RBFOX1: variants seen among roughly 807,000 people sequenced by gnomAD.
RBFOX1 encodes RNA binding protein fox-1 homolog 1.
In RBFOX1, 8 loss-of-function variants were observed where a neutral mutation model predicts 57.7. That is an observed-to-expected ratio of 0.14 (90% CI 0.08 to 0.25). RBFOX1 has a LOEUF of 0.25. Among genes scored for constraint, RBFOX1 ranks in the 10% least tolerant of loss-of-function variants. The pLI, the probability that RBFOX1 is intolerant of heterozygous loss-of-function variation, is 1.00. For synonymous variants in RBFOX1, 326 were observed against 222.4 expected, an observed-to-expected ratio of 1.47 and a Z score of -4.15; for missense variants, 611 against 548.5, an observed-to-expected ratio of 1.11 and a Z score of -1.14.
intron 3 of RBFOX1, among the ~76,000 whole-genome samples, chr16:6,886,326 T>C (rs1253314449): frequency 6.6e-6 from 1 of 151,996 alleles, no homozygotes; most frequent in Non-Finnish European, 1.5e-5. Flanking sequence ...CCTCCCAAAG[T>C]GCTGGGATTA....
chr16:7,008,434 G>A (rs1411065811), intron 3 of RBFOX1, among the ~76,000 whole-genome samples: 1 of 151,850 alleles, frequency 6.6e-6, no homozygotes, highest in Non-Finnish European at 1.5e-5. Flanking sequence ...CAGACACTCA[G>A]AAGTCAGAGG....
chr16:6,977,663 A>C (rs1035569661), intron 3 of RBFOX1, among the ~76,000 whole-genome samples: 68 of 152,286 alleles, frequency 4.5e-4, no homozygotes, highest in Non-Finnish European at 9.4e-4. Flanking sequence ...CTCTGGCACT[A>C]ACCGAGTGCC....
intron 3 of RBFOX1, among the ~76,000 whole-genome samples, chr16:6,917,398 A>AT (rs1416477266): frequency 6.6e-5 from 10 of 152,186 alleles, no homozygotes; most frequent in Non-Finnish European, 1.3e-4. Flanking sequence ...GTGTAGCTCT[A>AT]TATCTTATAA....
intron 1 of RBFOX1, among the ~76,000 whole-genome samples, chr16:5,299,131 C>G (rs1049738953): frequency 1.3e-5 from 2 of 151,262 alleles, no homozygotes; most frequent in Non-Finnish European, 2.9e-5. Context: ...ATTTCCATCA[C>G]AATAAATTAA....
At chr16:7,593,327 A>G (rs1420367244) in intron 7 of RBFOX1, among the ~76,000 whole-genome samples, 1 of 152,172 alleles carries the variant, frequency 6.6e-6, no homozygotes, top group Non-Finnish European at 1.5e-5. Context: ...ATACTGGCCA[A>G]GAGTTAGAAC....
intron 1 of RBFOX1, among the ~76,000 whole-genome samples, chr16:6,315,168 A>G (rs1281089102): frequency 6.6e-6 from 1 of 152,254 alleles, no homozygotes; most frequent in Non-Finnish European, 1.5e-5. Flanking sequence ...GTTTATTCCC[A>G]TTTTAATGAT....
chr16:5,468,949 A>G (rs548927083), intron 2 of RBFOX1, among the ~76,000 whole-genome samples: 44 of 152,352 alleles, frequency 2.9e-4, no homozygotes, highest in African/African-American at 9.9e-4. Flanking sequence ...CTGGGAACTG[A>G]GAACAGAACA....
intron 3 of RBFOX1, among the ~76,000 whole-genome samples, chr16:6,898,075 T>C (rs898125164): frequency 8.5e-5 from 13 of 152,232 alleles, no homozygotes; most frequent in African/African-American, 3.1e-4. Context: ...ACTTGGCAGT[T>C]ATTTCAAAGA....
chr16:5,875,813 G>A (rs887253065), intron 4 of RBFOX1, among the ~76,000 whole-genome samples: 1 of 151,506 alleles, frequency 6.6e-6, no homozygotes, highest in African/African-American at 2.4e-5. Flanking sequence ...ATCTGTTGCT[G>A]TGAGGTTTGG....
intron 3 of RBFOX1, among the ~76,000 whole-genome samples, chr16:6,745,856 G>A (rs773070351): frequency 6.6e-6 from 1 of 152,176 alleles, no homozygotes; most frequent in Admixed American, 6.5e-5. Context: ...TTCATAGGCA[G>A]CGTGATCATC....
intron 1 of RBFOX1, among the ~76,000 whole-genome samples, chr16:6,116,385 T>G (rs577096015): frequency 6.6e-6 from 1 of 152,312 alleles, no homozygotes; most frequent in East Asian, 1.9e-4. Context: ...ACCTGCACAT[T>G]CTGCACATGT....
At chr16:5,905,781 G>C (rs947285238) in intron 4 of RBFOX1, among the ~76,000 whole-genome samples, 1 of 152,134 alleles carries the variant, frequency 6.6e-6, no homozygotes, top group Non-Finnish European at 1.5e-5. Flanking sequence ...TTGATCTCAG[G>C]CTTCCATCCT....
chr16:5,427,583 T>TCAAAA (rs4039609), intron 1 of RBFOX1, among the ~76,000 whole-genome samples: 9,496 of 148,674 alleles, frequency 0.064, 361 homozygotes, highest in East Asian at 0.098. Flanking sequence ...AGACTCTGTC[T>TCAAAA]CAAAACAAAA....
chr16:7,596,030 G>C (rs1434885215), intron 8 of RBFOX1, among the ~76,000 whole-genome samples: 1 of 150,912 alleles, frequency 6.6e-6, no homozygotes, highest in Non-Finnish European at 1.5e-5. Context: ...GGGTTGAAGA[G>C]GGATCCACAG....
intron 4 of RBFOX1, among the ~76,000 whole-genome samples, chr16:7,466,507 G>T (rs1023826424): frequency 1.3e-5 from 2 of 152,108 alleles, no homozygotes; most frequent in Non-Finnish European, 2.9e-5. Context: ...ATGGAGCCCA[G>T]ATGTGAAGTT....
rs1307488483 is a variant in RBFOX1, at chr16:7,648,804, C to A, written c.758-5011C>A. ...AACAATTTTAAATCCTGATAGTGTGCTGCCATCGAGGAGAATTTAAATGAA... is the reference window on the plus strand; with the variant it reads ...AACAATTTTAAATCCTGATAGTGTGATGCCATCGAGGAGAATTTAAATGAA... On this transcript the variant is annotated intron_variant, in intron 11 of 15. Transcript: ENST00000550418. Among the ~76,000 whole-genome samples, 3 of 152,122 alleles carry A rather than the reference C, an allele frequency of 2.0e-5. No homozygotes were observed. In the East Asian group the frequency reaches 5.8e-4, roughly 29 times the overall value.
intron 4 of RBFOX1, among the ~76,000 whole-genome samples, chr16:5,896,307 G>C (rs539413883): frequency 6.6e-6 from 1 of 152,278 alleles, no homozygotes; most frequent in South Asian, 2.1e-4. Context: ...CTCCTGGGAG[G>C]TGTTTTGATC....
intron 3 of RBFOX1, among the ~76,000 whole-genome samples, chr16:6,913,540 G>T (rs916324527): frequency 6.6e-6 from 1 of 152,154 alleles, no homozygotes; most frequent in African/African-American, 2.4e-5. Context: ...ACTGAGCCCA[G>T]TGCCTGGTGT....
At chr16:6,741,405 G>A (rs896888581) in intron 3 of RBFOX1, among the ~76,000 whole-genome samples, 2 of 152,128 alleles carry the variant, frequency 1.3e-5, no homozygotes, top group Admixed American at 6.6e-5. Context: ...GCTCATGCCT[G>A]TAATACCAGC....
Sources: allele counts gnomAD v4.1 joint callset (sites outside exome capture counted in the v4.1 genomes callset), GRCh38; gene constraint gnomAD v4.1.1; transcripts MANE v1.5; gene names NCBI Gene and HGNC (gene_info 2026-07-23, HGNC 2026-07-21).